Variants in RUNX1 observed in about 807,000 individuals in gnomAD.
RUNX1 encodes RUNX family transcription factor 1.
In RUNX1, 19 loss-of-function variants were observed where a neutral mutation model predicts 42.8. The ratio of observed to expected loss-of-function variants is 0.44; its 90% CI spans 0.31 to 0.65. The LOEUF (loss-of-function observed/expected upper bound fraction) is 0.65, where lower values mean the gene tolerates loss of function less well. Among genes scored for constraint, RUNX1 ranks in the 30% least tolerant of loss-of-function variants. The pLI is 0.07. For synonymous variants in RUNX1, 271 were observed against 289.4 expected, an observed-to-expected ratio of 0.94 and a Z score of 0.64; for missense variants, 528 against 672.0, an observed-to-expected ratio of 0.79 and a Z score of 2.37.
Position 34,910,933 on chromosome 21 carries a change from A to G in RUNX1, c.59-17970T>C, listed in dbSNP as rs200369049. On this transcript the variant is annotated intron_variant, in intron 2 of 8. Transcript: ENST00000675419. ...CTACAGACACACGCCACCACACCCCACTAATTTTTAAACATTTTTAGACAT... is the reference window on the plus strand; with the variant it reads ...CTACAGACACACGCCACCACACCCCGCTAATTTTTAAACATTTTTAGACAT... 3.2e-4 allele frequency among the ~76,000 whole-genome samples: 49 copies of G among 151,810 alleles called. No homozygotes were observed. The East Asian group carries it at 8.9e-3, about 28-fold the overall frequency.
At chr21:34,858,791 T>G (rs1191188972) in intron 6 of RUNX1, among the ~76,000 whole-genome samples, 5 of 152,200 alleles carry the variant, frequency 3.3e-5, no homozygotes, top group Non-Finnish European at 5.9e-5. Flanking sequence ...AGCGTTACTC[T>G]GGTGTTTACT....
At chr21:34,938,870 C>T (rs564291837) in intron 2 of RUNX1, among the ~76,000 whole-genome samples, 2 of 152,284 alleles carry the variant, frequency 1.3e-5, no homozygotes, top group East Asian at 3.9e-4. Context: ...TGAGAATAAT[C>T]TGATGGTAAA....
chr21:35,030,112 G>A (rs2059262768), intron 2 of RUNX1, among the ~76,000 whole-genome samples: 1 of 152,210 alleles, frequency 6.6e-6, no homozygotes, highest in Non-Finnish European at 1.5e-5. Context: ...GGGAGGCCAA[G>A]GCGGGTGGAT....
At chr21:34,984,673 T>C (rs1455687941) in intron 2 of RUNX1, among the ~76,000 whole-genome samples, 1 of 151,860 alleles carries the variant, frequency 6.6e-6, no homozygotes, top group African/African-American at 2.4e-5. Context: ...AGGAGAGAAG[T>C]GCAGGAAGGA....
chr21:34,926,173 G>A (rs2058391567), intron 2 of RUNX1, among the ~76,000 whole-genome samples: 1 of 151,796 alleles, frequency 6.6e-6, no homozygotes, highest in South Asian at 2.1e-4. Context: ...AAATACAAAT[G>A]TGCTTAATAT....
rs2056439221 is a variant in RUNX1, at chr21:34,791,861, T to G, written c.*274A>C. The G allele has an allele frequency of 3.9e-6, 1 of 253,354 alleles. No homozygotes were observed. The highest frequency in any genetic ancestry group is 5.5e-5 in the Admixed American group (1 of 18,122). 15.7% of individuals were successfully genotyped at this position (253,354 alleles called of 1,614,324 possible). On this transcript the variant is annotated 3_prime_UTR_variant, in exon 9 of 9. Coordinates refer to ENST00000675419, the MANE Select transcript of RUNX1 (RefSeq NM_001754.5). ...TTTGCTTTCCAGCGCGTCCCCTGGG[T>G]GCTGGGGCCGGCGGACACCCTCGAG... is the stretch of plus-strand genomic sequence containing the variant.
At chr21:34,841,155 A>G (rs994015319) in intron 6 of RUNX1, among the ~76,000 whole-genome samples, 1 of 152,118 alleles carries the variant, frequency 6.6e-6, no homozygotes, top group African/African-American at 2.4e-5. Context: ...CAGTAGGCAC[A>G]TAAGTCTTAG....
rs183566621 is a variant in RUNX1, at chr21:35,044,616, T to C, written c.58+4226A>G. The stretch of plus-strand genomic sequence containing the variant: ...GCCATCACTGTGTCATCTGAGCACA[T>C]TCCCTGCACAGACCTCCTGCCATTG... On this transcript the variant is annotated intron_variant, in intron 2 of 8. Coordinates refer to ENST00000675419, the MANE Select transcript of RUNX1 (RefSeq NM_001754.5). 8.9e-4 allele frequency among the ~76,000 whole-genome samples: 136 copies of C among 152,310 alleles called. 1 individual carries two copies. Among genetic ancestry groups the C allele is most frequent in the African/African-American group, 3.0e-3 (124 of 41,578 alleles).
At chr21:34,961,164 A>C (rs1181431080) in intron 2 of RUNX1, among the ~76,000 whole-genome samples, 1 of 152,106 alleles carries the variant, frequency 6.6e-6, no homozygotes, top group Non-Finnish European at 1.5e-5. Context: ...TCATGAGGTC[A>C]GGAAATCGAG....
At chr21:34,868,943 T>C (rs542623338) in intron 5 of RUNX1, among the ~76,000 whole-genome samples, 1 of 152,348 alleles carries the variant, frequency 6.6e-6, no homozygotes, top group East Asian at 1.9e-4. Flanking sequence ...AGGTACTATA[T>C]TTCCATCACA....
At chr21:34,813,272 G>A (rs904873126) in intron 7 of RUNX1, among the ~76,000 whole-genome samples, 60 of 152,122 alleles carry the variant, frequency 3.9e-4, no homozygotes, top group African/African-American at 1.4e-3. Flanking sequence ...AAGATCAAGC[G>A]TGCCCTAAAG....
At chr21:34,889,743 C>G (rs1467196387) in intron 3 of RUNX1, 3 of 1,171,826 alleles carry the variant, frequency 2.6e-6, no homozygotes, top group Non-Finnish European at 2.1e-6. Context: ...GGCATTTTCG[C>G]GGAGCTCGGA....
chr21:34,823,116 A>T (rs1012614566), intron 7 of RUNX1, among the ~76,000 whole-genome samples: 3 of 152,240 alleles, frequency 2.0e-5, no homozygotes, highest in African/African-American at 7.2e-5. Context: ...CTGGCAATTT[A>T]CAGGGCTGGG....
At position 34,978,160 on chromosome 21, in the gene RUNX1, G is replaced by C. The variant is rs1051855684; in HGVS notation, c.58+70682C>G. ...TCACCGTGTTAGCCAGGATGGTCTCGATCTCCTGACCTCATGATCCGCCCG... is the reference window on the plus strand; with the variant it reads ...TCACCGTGTTAGCCAGGATGGTCTCCATCTCCTGACCTCATGATCCGCCCG... On this transcript the variant is annotated intron_variant, in intron 2 of 8. Coordinates refer to ENST00000675419, the MANE Select transcript of RUNX1 (RefSeq NM_001754.5). Among the ~76,000 whole-genome samples, 14 of 152,072 alleles carry C rather than the reference G, an allele frequency of 9.2e-5. 1 individual carries two copies. The highest frequency in any genetic ancestry group is 3.1e-4 in the African/African-American group (13 of 41,396).
chr21:34,865,658 C>CA (rs2057650863), intron 5 of RUNX1, among the ~76,000 whole-genome samples: 2 of 152,308 alleles, frequency 1.3e-5, no homozygotes, highest in African/African-American at 4.8e-5. Flanking sequence ...TTAGTCTTGA[C>CA]GTTGGCGGCC....
intron 2 of RUNX1, among the ~76,000 whole-genome samples, chr21:34,904,378 G>A (rs2834666): frequency 0.15 from 22,387 of 151,986 alleles, 2,542 homozygotes; most frequent in African/African-American, 0.31. Flanking sequence ...ATATTTATAC[G>A]TGCAATGAAA....
intron 6 of RUNX1, among the ~76,000 whole-genome samples, chr21:34,842,000 T>C (rs767311327): frequency 1.2e-4 from 18 of 152,106 alleles, no homozygotes. Context: ...GGCTCACTAA[T>C]GTTGGCTGAA....
At chr21:35,033,092 CATCA>C (rs2059284351) in intron 2 of RUNX1, among the ~76,000 whole-genome samples, 3 of 152,116 alleles carry the variant, frequency 2.0e-5, no homozygotes, top group African/African-American at 7.2e-5. Context: ...TCTATCTATC[CATCA>C]ATTTGTCCAT....
chr21:34,798,129 A>T (rs1273014644), intron 8 of RUNX1: 3 of 456,596 alleles, frequency 6.6e-6, no homozygotes, highest in African/African-American at 6.0e-5. Context: ...TTAAAATGGC[A>T]GACATGACTC....
Sources: allele counts gnomAD v4.1 joint callset (sites outside exome capture counted in the v4.1 genomes callset), GRCh38; gene constraint gnomAD v4.1.1; transcripts MANE v1.5; gene names NCBI Gene and HGNC (gene_info 2026-07-23, HGNC 2026-07-21).